Variants in TAFA2 observed in about 807,000 individuals in gnomAD.
TAFA2 encodes TAFA chemokine like family member 2.
A neutral mutation model predicts 18.8 loss-of-function variants in TAFA2; 7 were observed. The ratio of observed to expected loss-of-function variants is 0.37; its 90% CI spans 0.21 to 0.70. TAFA2 has a LOEUF of 0.70. TAFA2 is among the 30% of genes least tolerant of loss of function. The probability of loss-of-function intolerance (pLI) is 0.53; values close to 1 mark genes in which losing one functional copy is unlikely to be tolerated. For synonymous variants in TAFA2, 60 were observed against 54.2 expected (o/e 1.11, Z -0.47); for missense variants, 122 against 158.1 (o/e 0.77, Z 1.23).
chr12:61,828,575 C>T (rs943803426), intron 2 of TAFA2, among the ~76,000 whole-genome samples: 2 of 151,730 alleles, frequency 1.3e-5, no homozygotes, highest in East Asian at 1.9e-4. Context: ...TCTAAGTGTA[C>T]ACAGTAATAC....
Position 61,799,817 on chromosome 12 carries a change from G to C in TAFA2, c.107-44793C>G, listed in dbSNP as rs554709484. Among the ~76,000 whole-genome samples, 2 of 151,904 alleles carry C rather than the reference G, an allele frequency of 1.3e-5. 1 individual carries two copies. Among genetic ancestry groups the C allele is most frequent in the South Asian group, 4.2e-4 (2 of 4,816 alleles). ...AGCCTGGGCGACAGAGCAAGACTCCGTCTCAAAATAAAATAAAATAAAATA... is the reference window on the plus strand; with the variant it reads ...AGCCTGGGCGACAGAGCAAGACTCCCTCTCAAAATAAAATAAAATAAAATA... On this transcript the variant is annotated intron_variant, in intron 2 of 4. Coordinates refer to ENST00000416284, the MANE Select transcript of TAFA2 (RefSeq NM_178539.5).
At chr12:61,807,205 G>A (rs1161759635) in intron 2 of TAFA2, among the ~76,000 whole-genome samples, 4 of 151,328 alleles carry the variant, frequency 2.6e-5, no homozygotes, top group Non-Finnish European at 4.4e-5. Flanking sequence ...GTGCAGCCTA[G>A]GGACTTGGTG....
intron 1 of TAFA2, among the ~76,000 whole-genome samples, chr12:62,083,816 T>C (rs1342212658): frequency 1.3e-5 from 2 of 152,320 alleles, no homozygotes; most frequent in East Asian, 1.9e-4. Context: ...ATCTTCATCA[T>C]TAACATATCT....
chr12:62,152,113 C>A (rs1318289565), intron 1 of TAFA2, among the ~76,000 whole-genome samples: 1 of 152,126 alleles, frequency 6.6e-6, no homozygotes. Context: ...CCTTACACTG[C>A]AGTCAACTCT....
intron 1 of TAFA2, among the ~76,000 whole-genome samples, chr12:61,891,985 G>T (rs1053210798): frequency 6.6e-6 from 1 of 151,362 alleles, no homozygotes; most frequent in Non-Finnish European, 1.5e-5. Context: ...AAGTGCTGCT[G>T]CATAGACTTG....
chr12:62,215,349 A>T (rs2062730033), intron 1 of TAFA2, among the ~76,000 whole-genome samples: 1 of 152,172 alleles, frequency 6.6e-6, no homozygotes, highest in Non-Finnish European at 1.5e-5. Flanking sequence ...CAACAGTAGG[A>T]ATAACCTGAA....
At chr12:61,860,845 T>G (rs2121196122) in intron 2 of TAFA2, among the ~76,000 whole-genome samples, 1 of 152,352 alleles carries the variant, frequency 6.6e-6, no homozygotes, top group Non-Finnish European at 1.5e-5. Flanking sequence ...TTCACAGCAC[T>G]TTAATACCAT....
intron 1 of TAFA2, among the ~76,000 whole-genome samples, chr12:62,106,863 C>G (rs1418870828): frequency 8.4e-6 from 1 of 119,718 alleles, no homozygotes; most frequent in South Asian, 3.1e-4. Flanking sequence ...ATAGAGCGTT[C>G]TGTTTTCCAA....
rs76469327 is a variant in TAFA2 at position 62,231,819 on chromosome 12, C to T, written c.-130+26944G>A. Among the ~76,000 whole-genome samples, 5 of 152,216 alleles carry T rather than the reference C, an allele frequency of 3.3e-5. No homozygotes were observed. In the East Asian group the frequency reaches 9.7e-4, roughly 29 times the overall value. ...TAATCAAAATTCAGTATAGTGGTTA[C>T]CTCTGCAGAGAAGGCTGGGGAACTC... is the stretch of plus-strand genomic sequence containing the variant. On this transcript the variant is annotated intron_variant, in intron 1 of 5. Coordinates refer to the TAFA2 transcript ENST00000551619.
At chr12:62,071,161 T>C (rs754447759) in intron 1 of TAFA2, among the ~76,000 whole-genome samples, 2 of 152,036 alleles carry the variant, frequency 1.3e-5, no homozygotes, top group African/African-American at 2.4e-5. Context: ...GATCAGAGGG[T>C]ATAAGTGCTA....
chr12:62,121,913 T>C (rs1870214701), intron 1 of TAFA2, among the ~76,000 whole-genome samples: 2 of 152,152 alleles, frequency 1.3e-5, no homozygotes, highest in Admixed American at 1.3e-4. Context: ...AGTGTCACCT[T>C]TGTATTTTAC....
At chr12:61,930,306 T>A (rs1321376815) in intron 1 of TAFA2, among the ~76,000 whole-genome samples, 1 of 152,088 alleles carries the variant, frequency 6.6e-6, no homozygotes, top group Non-Finnish European at 1.5e-5. Flanking sequence ...AGAGCACAAA[T>A]GAAGTTTTAA....
intron 2 of TAFA2, among the ~76,000 whole-genome samples, chr12:61,854,535 A>T (rs1003310160): frequency 6.6e-6 from 1 of 152,046 alleles, no homozygotes; most frequent in Non-Finnish European, 1.5e-5. Context: ...CTTCACCAAG[A>T]TATACATCAT....
intron 2 of TAFA2, among the ~76,000 whole-genome samples, chr12:61,856,848 T>TA (rs1289725529): frequency 1.3e-5 from 2 of 151,754 alleles, no homozygotes; most frequent in Non-Finnish European, 2.9e-5. Flanking sequence ...TTATTTTTAC[T>TA]AAAAATGAAA....
Position 61,765,395 on chromosome 12 carries a change from G to A in TAFA2, c.107-10371C>T, listed in dbSNP as rs151320017. The stretch of plus-strand genomic sequence containing the variant: ...GCTATGTTAAGCCAATGTAATCATA[G>A]GCTATGTTAAGCCAATGATTTTGAT... On this transcript the variant is annotated intron_variant, in intron 2 of 4. Transcript: ENST00000416284. Among the ~76,000 whole-genome samples, 996 of 152,154 alleles carry A rather than the reference G, an allele frequency of 6.5e-3. 6 individuals are homozygous for A. Among genetic ancestry groups the A allele is most frequent in the Non-Finnish European group, 8.9e-3 (608 of 67,984 alleles).
intron 4 of TAFA2, among the ~76,000 whole-genome samples, chr12:61,723,612 C>T (rs1389161223): frequency 1.3e-5 from 2 of 152,062 alleles, no homozygotes; most frequent in East Asian, 3.9e-4. Context: ...TTCAGCTTCA[C>T]ATTTTCACCT....
intron 2 of TAFA2, among the ~76,000 whole-genome samples, chr12:61,790,185 A>T (rs573509784): frequency 2.0e-3 from 226 of 115,280 alleles, no homozygotes; most frequent in African/African-American, 7.2e-3. Flanking sequence ...GATAAAAAAA[A>T]AAATCCCCAA....
chr12:62,123,585 T>C (rs1167396609), intron 1 of TAFA2, among the ~76,000 whole-genome samples: 2 of 152,110 alleles, frequency 1.3e-5, no homozygotes, highest in African/African-American at 4.8e-5. Flanking sequence ...ATTTCTGTCA[T>C]TTTTCTTCAG....
intron 4 of TAFA2, among the ~76,000 whole-genome samples, chr12:61,744,533 T>C (rs1426968687): frequency 6.6e-6 from 1 of 152,128 alleles, no homozygotes; most frequent in Non-Finnish European, 1.5e-5. Flanking sequence ...TAATCAGCTC[T>C]TAAATTTAAA....
Sources: gnomAD v4.1 joint callset for allele counts (sites outside exome capture counted in the v4.1 genomes callset) on GRCh38, gnomAD v4.1.1 for gene constraint, MANE v1.5 for transcripts, NCBI Gene and HGNC (gene_info 2026-07-23, HGNC 2026-07-21) for gene names.